The following AUTS2 variants were observed in gnomAD, a reference collection of about 807,000 sequenced individuals.
AUTS2 encodes the protein autism susceptibility gene 2 protein.
AUTS2 carries 17 observed loss-of-function variants against 112.4 expected under a neutral mutation model. The observed-to-expected ratio is 0.15, with a 90% CI of 0.10 to 0.23. The LOEUF (loss-of-function observed/expected upper bound fraction) is 0.23, where lower values mean the gene tolerates loss of function less well. Ranked by LOEUF, AUTS2 falls within the 10% of genes least tolerant of loss-of-function variation. The pLI is 1.00. For missense variants in AUTS2, 1,510 were observed against 1,701.6 expected (o/e 0.89, Z 1.98); for synonymous variants, 751 against 702.7 (o/e 1.07, Z -1.09).
intron 2 of AUTS2, among the ~76,000 whole-genome samples, chr7:69,913,390 T>C (rs934835270): frequency 3.3e-5 from 5 of 152,316 alleles, no homozygotes; most frequent in African/African-American, 1.2e-4. Context: ...TAATCAGGAC[T>C]TCCTGAAAAA....
intron 1 of AUTS2, among the ~76,000 whole-genome samples, chr7:69,602,761 A>G (rs1217758031): frequency 6.6e-6 from 1 of 152,220 alleles, no homozygotes; most frequent in Non-Finnish European, 1.5e-5. Context: ...CCGTAAATAC[A>G]TTTGTCAGAT....
chr7:69,992,089 A>G (rs950379013), intron 2 of AUTS2, among the ~76,000 whole-genome samples: 1 of 152,206 alleles, frequency 6.6e-6, no homozygotes, highest in African/African-American at 2.4e-5. Context: ...TCAGTTGGGC[A>G]TATCGTCTTC....
intron 4 of AUTS2, among the ~76,000 whole-genome samples, chr7:70,383,016 A>G (rs1370040795): frequency 6.6e-6 from 1 of 152,214 alleles, no homozygotes; most frequent in African/African-American, 2.4e-5. Flanking sequence ...CAGAACTGAG[A>G]TCAAATTCTA....
Position 69,602,040 on chromosome 7 carries a change from A to ATATATG in AUTS2, c.309+2079_309+2080insATATGT, listed in dbSNP as rs1474403063. ...TGTGTGTATATATATATATATATAT[A>ATATATG]TGTGTGTGTGTGTGTGTGTGTGTGT... On this transcript the variant is annotated intron_variant, in intron 1 of 18. Coordinates refer to ENST00000342771, the MANE Select transcript of AUTS2 (RefSeq NM_015570.4). 3.6e-3 allele frequency among the ~76,000 whole-genome samples: 164 copies of ATATATG among 46,130 alleles called. 1 individual carries two copies. The highest frequency in any genetic ancestry group is 6.9e-3 in the Admixed American group (30 of 4,324). The allele number at this position is 46,130 out of a possible 152,430, so 30.3% of individuals were successfully genotyped here. A position where few individuals can be genotyped will look rare whatever the true frequency, so the allele number is the denominator to read the frequency against.
In AUTS2 at chr7:70,763,096, C is replaced by T. The variant is rs762452843; in HGVS notation, c.969C>T (p.Asp323=). The T allele has an allele frequency of 1.1e-5, 18 of 1,614,008 alleles. No homozygotes were observed. The highest frequency in any genetic ancestry group is 6.6e-5 in the South Asian group (6 of 91,082). Residue 323 remains aspartate (D), a synonymous_variant, in exon 7 of 19, where the codon GAC becomes GAT. Coordinates refer to ENST00000342771, the MANE Select transcript of AUTS2 (RefSeq NM_015570.4). ...TCCGAGCTCCTTCTCCGGACCCTGA[C>T]TTGGTGCAGCGCACAGAGGCCCCAC... ...PQLRAPSPDP[D]LVQRTEAPPQ...
intron 1 of AUTS2, among the ~76,000 whole-genome samples, chr7:69,800,176 A>G (rs1012871766): frequency 1.3e-5 from 2 of 152,214 alleles, no homozygotes; most frequent in African/African-American, 2.4e-5. Flanking sequence ...CTCCAGGTCA[A>G]TGTATTCCCA....
chr7:70,716,903 G>A (rs1051075506), intron 6 of AUTS2, among the ~76,000 whole-genome samples: 1 of 151,604 alleles, frequency 6.6e-6, no homozygotes, highest in Admixed American at 6.6e-5. Flanking sequence ...TTATAGAATT[G>A]GGTATATGTC....
chr7:70,339,056 G>C (rs1791133909), intron 4 of AUTS2, among the ~76,000 whole-genome samples: 1 of 151,760 alleles, frequency 6.6e-6, no homozygotes, highest in Admixed American at 6.6e-5. Flanking sequence ...AGTAGAGACA[G>C]GTTTCACCAT....
chr7:69,778,342 A>G (rs1056722940), intron 1 of AUTS2, among the ~76,000 whole-genome samples: 1 of 151,136 alleles, frequency 6.6e-6, no homozygotes, highest in African/African-American at 2.4e-5. Flanking sequence ...TTGGAGAACT[A>G]CTGGTGTGGT....
intron 4 of AUTS2, among the ~76,000 whole-genome samples, chr7:70,345,687 G>A (rs1791463320): frequency 6.6e-6 from 1 of 152,124 alleles, no homozygotes; most frequent in African/African-American, 2.4e-5. Context: ...GAGGTCTCTA[G>A]ATCCCCCCTT....
In AUTS2 at chr7:70,754,488, A is replaced by G. The variant is rs186780983; in HGVS notation, c.743-8382A>G. Among the ~76,000 whole-genome samples, 382 of 152,310 alleles carry G rather than the reference A, an allele frequency of 2.5e-3. 5 individuals are homozygous for G. Among genetic ancestry groups the G allele is most frequent in the African/African-American group, 7.6e-3 (315 of 41,574 alleles). On this transcript the variant is annotated intron_variant, in intron 6 of 18. Transcript: ENST00000342771. ...TGGGCAACAGAGTGAGACTGTGTCC[A>G]AAAAAATAAAATAAAATAGACATTG...
At chr7:70,135,815 G>A (rs1361974056) in intron 4 of AUTS2, among the ~76,000 whole-genome samples, 8 of 152,224 alleles carry the variant, frequency 5.3e-5, no homozygotes, top group East Asian at 1.9e-4. Context: ...TTCAGCAGTC[G>A]AAATAACAGA....
intron 5 of AUTS2, among the ~76,000 whole-genome samples, chr7:70,558,964 T>C (rs71549361): frequency 1.3e-5 from 2 of 152,226 alleles, no homozygotes; most frequent in African/African-American, 4.8e-5. Context: ...GGCTCTCACC[T>C]TGAATCGCAC....
intron 1 of AUTS2, among the ~76,000 whole-genome samples, chr7:69,871,632 C>T (rs1278201061): frequency 6.6e-6 from 1 of 152,150 alleles, no homozygotes; most frequent in Non-Finnish European, 1.5e-5. Flanking sequence ...ACTCTACTCA[C>T]CCTTTTTGTG....
chr7:70,187,174 TA>T (rs1217731633), intron 4 of AUTS2, among the ~76,000 whole-genome samples: 2 of 152,234 alleles, frequency 1.3e-5, no homozygotes, highest in African/African-American at 4.8e-5. Context: ...CTTGAGAATG[TA>T]ACTGGCAACA....
intron 2 of AUTS2, among the ~76,000 whole-genome samples, chr7:69,960,078 A>T (rs1797368809): frequency 6.6e-6 from 1 of 151,934 alleles, no homozygotes; most frequent in Admixed American, 6.6e-5. Flanking sequence ...GCTTTTAGTG[A>T]TTTTTCATTT....
chr7:69,684,676 T>G (rs996646936), intron 1 of AUTS2, among the ~76,000 whole-genome samples: 1 of 152,088 alleles, frequency 6.6e-6, no homozygotes, highest in Non-Finnish European at 1.5e-5. Flanking sequence ...TAATAGCAAA[T>G]GGGAAGAGTA....
At chr7:70,417,118 T>G (rs1200892461) in intron 4 of AUTS2, among the ~76,000 whole-genome samples, 1 of 152,200 alleles carries the variant, frequency 6.6e-6, no homozygotes, top group Non-Finnish European at 1.5e-5. Flanking sequence ...GACTCCGAGA[T>G]GGCAATCAAG....
At chr7:70,050,067 A>G (rs1801678001) in intron 2 of AUTS2, among the ~76,000 whole-genome samples, 1 of 151,896 alleles carries the variant, frequency 6.6e-6, no homozygotes, top group South Asian at 2.1e-4. Context: ...TTAGAAGTAG[A>G]CTTTTCTGGC....
Sources: gnomAD v4.1 joint callset for allele counts (sites outside exome capture counted in the v4.1 genomes callset) on GRCh38, gnomAD v4.1.1 for gene constraint, MANE v1.5 for transcripts, NCBI Gene and HGNC (gene_info 2026-07-23, HGNC 2026-07-21) for gene names.